OPN5: variants seen among roughly 807,000 people sequenced by gnomAD.
OPN5 encodes the protein opsin 5.
In OPN5, 18 loss-of-function variants were observed where a neutral mutation model predicts 41.7. The observed-to-expected ratio is 0.43, with a 90% CI of 0.30 to 0.64. The LOEUF is 0.64. OPN5 is among the 30% of genes least tolerant of loss of function. The pLI is 0.13. For missense variants in OPN5, 318 were observed against 434.5 expected (o/e 0.73, Z 2.38); for synonymous variants, 178 against 164.3 (o/e 1.08, Z -0.64).
rs373450468 is a variant in OPN5 at position 47,799,999 on chromosome 6, G to A, written c.756+4436G>A. Among the ~76,000 whole-genome samples, 19 of 152,208 alleles carry A rather than the reference G, an allele frequency of 1.2e-4. No homozygotes were observed. In the East Asian group the frequency reaches 3.3e-3, roughly 26 times the overall value. On this transcript the variant is annotated intron_variant, in intron 4 of 6. Transcript: ENST00000371211. ...TTCTCAATTATTTTCTCTCCTGGGA[G>A]TTTCAAATTTCTGTTTTAAAACTTA...
rs1426672763 is a variant in OPN5, at chr6:47,799,485, A to G, written c.756+3922A>G. Among the ~76,000 whole-genome samples the G allele has an allele frequency of 2.6e-5, 4 of 152,238 alleles. No individual in the cohort carries two copies. The East Asian group carries it at 7.7e-4, about 29-fold the overall frequency. On this transcript the variant is annotated intron_variant, in intron 4 of 6. Coordinates refer to ENST00000371211, the Ensembl canonical transcript of OPN5. ...GGTGTTGTCATTCATTGACCCTGGC[A>G]TTGCTGAGATATTTAGGGTTCCTTG... is the stretch of plus-strand genomic sequence containing the variant.
At chr6:47,799,859 A>T (rs1459724121) in intron 4 of OPN5, among the ~76,000 whole-genome samples, 2 of 152,084 alleles carry the variant, frequency 1.3e-5, no homozygotes, top group African/African-American at 2.4e-5. Context: ...ACTGGCTCTT[A>T]TTTCCATGTA....
At chr6:47,791,317 A>C in intron 2 of OPN5, among the ~76,000 whole-genome samples, 2 of 151,716 alleles carry the variant, frequency 1.3e-5, no homozygotes, top group South Asian at 4.2e-4. Flanking sequence ...AAAAAATCTT[A>C]ACAGACTAGT....
At chr6:47,806,518 G>A (rs577617333) in intron 4 of OPN5, among the ~76,000 whole-genome samples, 1 of 152,252 alleles carries the variant, frequency 6.6e-6, no homozygotes, top group South Asian at 2.1e-4. Flanking sequence ...AAGATGCTCA[G>A]TAATACTTGT....
At chr6:47,817,014 A>C (rs1228086692) in intron 6 of OPN5, among the ~76,000 whole-genome samples, 1 of 152,086 alleles carries the variant, frequency 6.6e-6, no homozygotes, top group African/African-American at 2.4e-5. Context: ...GAAAGTGAGA[A>C]ACACACTAAG....
At chr6:47,826,197 T>C (rs1250513378), downstream of OPN5, 2 of 152,112 alleles carry the variant, frequency 1.3e-5, no homozygotes, top group African/African-American at 2.4e-5. Flanking sequence ...TTGTGGTTCA[T>C]GTTGACACTC....
intron 6 of OPN5, among the ~76,000 whole-genome samples, chr6:47,816,937 G>A (rs1762445260): frequency 6.6e-6 from 1 of 152,108 alleles, no homozygotes; most frequent in Non-Finnish European, 1.5e-5. Flanking sequence ...TTGTTCTTGA[G>A]GAGGTAGGAG....
chr6:47,820,269 G>A (rs1049339718), intron 6 of OPN5, among the ~76,000 whole-genome samples: 1 of 152,090 alleles, frequency 6.6e-6, no homozygotes, highest in African/African-American at 2.4e-5. Context: ...AGCCTTAGGG[G>A]TTATTCTTTG....
chr6:47,788,805 T>TA (rs1554139113), intron 2 of OPN5, among the ~76,000 whole-genome samples: 1 of 125,162 alleles, frequency 8.0e-6, no homozygotes, highest in Non-Finnish European at 1.6e-5. Context: ...TAGGATAACC[T>TA]GGGGGGGGGC....
At chr6:47,794,437 T>G (rs925223358) in intron 3 of OPN5, among the ~76,000 whole-genome samples, 3 of 152,232 alleles carry the variant, frequency 2.0e-5, no homozygotes, top group African/African-American at 7.2e-5. Context: ...GGTGGTTGTG[T>G]TGAATTCTGA....
chr6:47,795,383 C>G, exon 4 of OPN5: 1 of 1,614,144 alleles, frequency 6.2e-7, no homozygotes, highest in South Asian at 1.1e-5. Flanking sequence ...TGGCCCAGGC[C>G]TCGGTAGGGG....
intron 2 of OPN5, among the ~76,000 whole-genome samples, chr6:47,791,371 G>A (rs1773364907): frequency 6.6e-6 from 1 of 151,730 alleles, no homozygotes; most frequent in South Asian, 2.1e-4. Flanking sequence ...TGCTTGAAGA[G>A]TGTATTTTCT....
At chr6:47,812,449 G>T (rs1019816485) in intron 6 of OPN5, among the ~76,000 whole-genome samples, 1 of 152,120 alleles carries the variant, frequency 6.6e-6, no homozygotes, top group African/African-American at 2.4e-5. Context: ...ATAGCTATTC[G>T]TAAGTGTTGT....
chr6:47,814,606 T>C (rs1199683620), intron 6 of OPN5, among the ~76,000 whole-genome samples: 1 of 152,066 alleles, frequency 6.6e-6, no homozygotes, highest in Non-Finnish European at 1.5e-5. Flanking sequence ...TGGGGTAGAA[T>C]GGAGGAAGAA....
chr6:47,782,228 T>C (rs775948655), intron 1 of OPN5, 32 bp downstream of exon 1: 1 of 1,604,676 alleles, frequency 6.2e-7, no homozygotes, highest in Admixed American at 1.7e-5. Context: ...GTGCAAAGGC[T>C]GCATTTAGAA....
intron 5 of OPN5, 147 bp from the exon 6 acceptor site, chr6:47,811,527 T>A (rs1774203715): frequency 1.4e-5 from 6 of 432,792 alleles, no homozygotes; most frequent in Non-Finnish European, 2.5e-5. Context: ...ATTGAATTAT[T>A]ATTTTCTGTC....
chr6:47,811,958 C>A (rs907900501), intron 6 of OPN5: 2 of 338,190 alleles, frequency 5.9e-6, no homozygotes, highest in Non-Finnish European at 5.4e-6. Flanking sequence ...GTCCCTGGAA[C>A]TTTCTTTTCT....
exon 7 of OPN5, chr6:47,824,216 C>T: frequency 1.8e-6 from 1 of 568,500 alleles, no homozygotes. Flanking sequence ...AGAGTTATAA[C>T]TAAAGAGTGC....
At chr6:47,795,778 T>TCACACACACACACACA (rs57933636) in intron 4 of OPN5, among the ~76,000 whole-genome samples, 4 of 142,804 alleles carry the variant, frequency 2.8e-5, no homozygotes, top group African/African-American at 1.1e-4. Context: ...TCTCTCTCTC[T>TCACACACACACACACA]CACACACACA....
Sources: gnomAD v4.1 joint callset for allele counts (sites outside exome capture counted in the v4.1 genomes callset) on GRCh38, gnomAD v4.1.1 for gene constraint, MANE v1.5 for transcripts, NCBI Gene and HGNC (gene_info 2026-07-23, HGNC 2026-07-21) for gene names.